PTPRQ: variants seen among roughly 807,000 people sequenced by gnomAD.
The protein encoded by PTPRQ is phosphatidylinositol phosphatase PTPRQ.
Under a neutral mutation model 246.0 loss-of-function variants are expected in PTPRQ, and 199 were observed. The observed-to-expected ratio is 0.81, with a 90% CI of 0.72 to 0.91. The LOEUF (loss-of-function observed/expected upper bound fraction) is 0.91, where lower values mean the gene tolerates loss of function less well. Among genes scored for constraint, PTPRQ ranks in the 40% least tolerant of loss-of-function variants. The pLI, the probability that PTPRQ is intolerant of heterozygous loss-of-function variation, is 0.00. For synonymous variants in PTPRQ, 869 were observed against 853.2 expected (o/e 1.02, Z -0.32); for missense variants, 2,624 against 2,528.4 (o/e 1.04, Z -0.81).
chr12:80,522,662 T>G (rs1165776409), intron 17 of PTPRQ, among the ~76,000 whole-genome samples: 1 of 152,166 alleles, frequency 6.6e-6, no homozygotes, highest in African/African-American at 2.4e-5. Flanking sequence ...TGCTGGATTA[T>G]GTTTATTGAT....
intron 17 of PTPRQ, among the ~76,000 whole-genome samples, chr12:80,532,663 GT>G (rs1282537497): frequency 2.0e-5 from 3 of 152,142 alleles, no homozygotes; most frequent in African/African-American, 7.2e-5. Context: ...AGTATCAAGA[GT>G]TTTAAAAGCC....
chr12:80,668,882 G>T, intron 39 of PTPRQ, 125 bp from the exon 40 acceptor site: 1 of 1,257,550 alleles, frequency 8.0e-7, no homozygotes. Context: ...AGATTATCTA[G>T]TATTTACGGT....
intron 33 of PTPRQ, among the ~76,000 whole-genome samples, chr12:80,627,086 G>A (rs1014261972): frequency 4.6e-5 from 7 of 151,644 alleles, no homozygotes; most frequent in Non-Finnish European, 5.9e-5. Context: ...AATTATACAC[G>A]TATATATTTA....
chr12:80,592,131 C>A (rs1293038913), intron 26 of PTPRQ, among the ~76,000 whole-genome samples: 1 of 152,098 alleles, frequency 6.6e-6, no homozygotes, highest in African/African-American at 2.4e-5. Context: ...CCAGGAGACA[C>A]AGGGGAAATG....
intron 8 of PTPRQ, among the ~76,000 whole-genome samples, chr12:80,478,411 A>G (rs1336390789): frequency 1.4e-5 from 2 of 144,672 alleles, no homozygotes; most frequent in Non-Finnish European, 3.1e-5. Flanking sequence ...AAAAGTAGAT[A>G]AAACCACAAA....
At chr12:80,488,249 C>T (rs1479373993) in intron 9 of PTPRQ, among the ~76,000 whole-genome samples, 1 of 151,880 alleles carries the variant, frequency 6.6e-6, no homozygotes, top group East Asian at 1.9e-4. Context: ...TCCCAACTAA[C>T]TAAAGAAGAG....
chr12:80,533,315 C>A (rs961681811), intron 17 of PTPRQ, among the ~76,000 whole-genome samples: 1 of 151,650 alleles, frequency 6.6e-6, no homozygotes, highest in South Asian at 2.1e-4. Context: ...TCTTTTTTCC[C>A]TTCCTGAGAT....
chr12:80,457,519 A>G (rs552759652), intron 3 of PTPRQ, 56 bp from the exon 4 acceptor site: 16 of 399,864 alleles, frequency 4.0e-5, no homozygotes, highest in African/African-American at 3.1e-4. Context: ...TAAATTTTAG[A>G]TTCTCTTTTT....
intron 35 of PTPRQ, among the ~76,000 whole-genome samples, chr12:80,642,678 T>A (rs1183094322): frequency 1.3e-5 from 2 of 151,844 alleles, no homozygotes; most frequent in Admixed American, 6.6e-5. Context: ...CCCAGCACTT[T>A]GGGAGGCCGA....
At chr12:80,648,762 GATC>G in intron 35 of PTPRQ, 132 bp from the exon 36 acceptor site, 1 of 599,810 alleles carries the variant, frequency 1.7e-6, no homozygotes, top group Non-Finnish European at 2.5e-6. Flanking sequence ...TTAAAATAAT[GATC>G]ATATATTAGT....
intron 26 of PTPRQ, among the ~76,000 whole-genome samples, chr12:80,594,958 C>T (rs1897920710): frequency 1.3e-5 from 2 of 152,108 alleles, no homozygotes; most frequent in Non-Finnish European, 2.9e-5. Context: ...TTTCTACATG[C>T]CTGCATGTTA....
chr12:80,577,875 T>A lies in PTPRQ; in HGVS notation c.4286-10254T>A, dbSNP rs527993666. Among the ~76,000 whole-genome samples, 6 of 152,208 alleles carry A rather than the reference T, an allele frequency of 3.9e-5. 1 individual carries two copies. Among genetic ancestry groups the A allele is most frequent in the African/African-American group, 1.4e-4 (6 of 41,522 alleles). ...CTTTGTAGTAGCACTCAAAATCCTG[T>A]TTGTGTTTCATAACTTGATAAATAC... On this transcript the variant is annotated intron_variant, in intron 25 of 44. Transcript: ENST00000644991.
At chr12:80,635,475 A>G (rs1899611034) in intron 35 of PTPRQ, among the ~76,000 whole-genome samples, 1 of 152,112 alleles carries the variant, frequency 6.6e-6, no homozygotes. Flanking sequence ...ATTTATATCC[A>G]TTTTTATAAA....
rs144400747 is a variant in PTPRQ at position 80,468,006 on chromosome 12, A to G, written c.911-704A>G. Reference sequence around the variant, plus strand: ...CATGTACCCTAAAACTTAAAGTGTAATAATAATAAAATTTTTAAAACAATG... The same window carrying G: ...CATGTACCCTAAAACTTAAAGTGTAGTAATAATAAAATTTTTAAAACAATG... On this transcript the variant is annotated intron_variant, in intron 6 of 44. Coordinates refer to ENST00000644991, the MANE Select transcript of PTPRQ (RefSeq NM_001145026.2). Among the ~76,000 whole-genome samples the G allele has an allele frequency of 5.1e-3, 781 of 152,318 alleles. 8 individuals carry two copies. The highest frequency in any genetic ancestry group is 0.018 in the African/African-American group (741 of 41,570).
At chr12:80,577,708 G>T in intron 25 of PTPRQ, among the ~76,000 whole-genome samples, 1 of 151,780 alleles carries the variant, frequency 6.6e-6, no homozygotes, top group Non-Finnish European at 1.5e-5. Flanking sequence ...TTTATATTTG[G>T]GGCCCCAATT....
chr12:80,678,886 T>G, intron 44 of PTPRQ, 100 bp from the exon 45 acceptor site: 1 of 1,454,578 alleles, frequency 6.9e-7, no homozygotes, highest in Non-Finnish European at 9.1e-7. Context: ...GTTGGGCTAA[T>G]AATACCCTTT....
intron 34 of PTPRQ, 55 bp from the exon 35 acceptor site, chr12:80,634,890 A>C: frequency 6.5e-7 from 1 of 1,530,518 alleles, no homozygotes; most frequent in Non-Finnish European, 8.8e-7. Context: ...ACTAAACCTA[A>C]TTTTATATAC....
intron 6 of PTPRQ, among the ~76,000 whole-genome samples, chr12:80,463,357 C>T (rs534666558): frequency 5.3e-4 from 80 of 152,180 alleles, no homozygotes; most frequent in Admixed American, 1.2e-3. Context: ...CCAAGAAATA[C>T]GGGACTATGT....
intron 1 of PTPRQ, 56 bp downstream of exon 1, chr12:80,444,455 C>CA: frequency 9.8e-7 from 1 of 1,021,792 alleles, no homozygotes. Flanking sequence ...GTAGATTTCT[C>CA]AAGACTTGAA....
Sources: allele counts gnomAD v4.1 joint callset (sites outside exome capture counted in the v4.1 genomes callset), GRCh38; gene constraint gnomAD v4.1.1; transcripts MANE v1.5; gene names NCBI Gene and HGNC (gene_info 2026-07-23, HGNC 2026-07-21).